CAMTA2: variants seen among roughly 807,000 people sequenced by gnomAD.
The protein encoded by CAMTA2 is calmodulin-binding transcription activator 2.
CAMTA2 carries 56 observed loss-of-function variants against 135.7 expected under a neutral mutation model. The observed-to-expected ratio is 0.41, with a 90% CI of 0.33 to 0.52. CAMTA2 has a LOEUF of 0.52. CAMTA2 is among the 20% of genes least tolerant of loss of function. The pLI, the probability that CAMTA2 is intolerant of heterozygous loss-of-function variation, is 0.16. For missense variants in CAMTA2, 1,358 were observed against 1,553.4 expected (o/e 0.87, Z 2.11); for synonymous variants, 591 against 604.6 (o/e 0.98, Z 0.33).
chr17:4,970,413 G>GC lies in CAMTA2; in HGVS notation c.2931dup (p.Leu978AlafsTer3). The stretch of plus-strand genomic sequence containing the variant: ...GCCAGCCAGGACATGGTCTCACTGA[G>GC]CCCCACAGCCCCTGTCCGCTCCCGC... On this transcript the variant is annotated frameshift_variant, in exon 17 of 23. Transcript: ENST00000348066. LOFTEE classifies it high-confidence loss of function. 6.2e-7 allele frequency: 1 copy of GC among 1,614,156 alleles called. No homozygotes were observed. Among genetic ancestry groups the GC allele is most frequent in the Non-Finnish European group, 8.5e-7 (1 of 1,180,020 alleles).
At chr17:4,968,874 A>G in intron 22 of CAMTA2, 33 bp downstream of exon 22, 1 of 1,613,216 alleles carries the variant, frequency 6.2e-7, no homozygotes, top group South Asian at 1.1e-5. Context: ...ACGGGTGGCA[A>G]CGCAAAAGCC....
At position 4,969,795 on chromosome 17, in the gene CAMTA2, C is replaced by T. The variant is rs747786313; in HGVS notation, c.3190-94G>A. 1.9e-6 allele frequency: 3 copies of T among 1,591,546 alleles called. No homozygotes were observed. Among genetic ancestry groups the T allele is most frequent in the Admixed American group, 1.7e-5 (1 of 59,874 alleles). Reference sequence around the variant, plus strand: ...TCCTGGGGTTCCCCTGACCCTTTACCCCATCCAAGGCCTGTCTGCACGACT... The same window carrying T: ...TCCTGGGGTTCCCCTGACCCTTTACTCCATCCAAGGCCTGTCTGCACGACT... On this transcript the variant is annotated intron_variant, in intron 18 of 22. Coordinates refer to ENST00000348066, the MANE Select transcript of CAMTA2 (RefSeq NM_015099.4). The surrounding 1 kb of genome is among the most constrained non-coding windows in gnomAD (Gnocchi z 5.6).
chr17:4,977,019 G>T, intron 11 of CAMTA2, 39 bp downstream of exon 11: 2 of 1,610,116 alleles, frequency 1.2e-6, no homozygotes, highest in Non-Finnish European at 1.7e-6. Flanking sequence ...CTTAAAGGCT[G>T]TGGGCTGGAT....
At position 4,987,275 on chromosome 17, in the gene CAMTA2, A is replaced by G. The variant is rs1973411641; in HGVS notation, c.-65+318T>C. Reference sequence around the variant, plus strand: ...AGTGGTGGTCCCAGGAGAACCTCCGAGGTGGGAGGGTCCCGCCCGCATAGA... The same window carrying G: ...AGTGGTGGTCCCAGGAGAACCTCCGGGGTGGGAGGGTCCCGCCCGCATAGA... On this transcript the variant is annotated intron_variant, in intron 1 of 22. Transcript: ENST00000348066. 54 of 1,341,796 alleles carry G rather than the reference A, an allele frequency of 4.0e-5. 2 individuals carry two copies. The South Asian group carries it at 1.1e-3, about 26-fold the overall frequency. The allele number at this position is 1,341,796 out of a possible 1,614,324, so 83.1% of individuals were successfully genotyped here. A position where few individuals can be genotyped will look rare whatever the true frequency, so the allele number is the denominator to read the frequency against.
chr17:4,979,327 T>A, intron 9 of CAMTA2: 1 of 164,414 alleles, frequency 6.1e-6, no homozygotes, highest in Non-Finnish European at 1.3e-5. Context: ...CTGGCCAACA[T>A]GGTGAAACCC....
intron 10 of CAMTA2, among the ~76,000 whole-genome samples, chr17:4,977,536 T>G (rs1972685583): frequency 6.6e-6 from 1 of 152,254 alleles, no homozygotes; most frequent in Non-Finnish European, 1.5e-5. Context: ...CTGGAAGTTA[T>G]GACCCTGTTA....
At position 4,968,314 on chromosome 17, in the gene CAMTA2, C is replaced by G. The variant is rs1001161052; in HGVS notation, c.*442G>C. The G allele has an allele frequency of 7.4e-6, 2 of 270,874 alleles. No individual in the cohort carries two copies. Among genetic ancestry groups the G allele is most frequent in the South Asian group, 9.5e-5 (2 of 21,092 alleles). 16.8% of individuals were successfully genotyped at this position (270,874 alleles called of 1,614,324 possible). On this transcript the variant is annotated 3_prime_UTR_variant, in exon 23 of 23. Transcript: ENST00000348066. ...CAGAGAGGGAGGAAACAGACGCAAA[C>G]ATGCGGAGTCGGGTGGGGACACGGT...
At chr17:4,972,613 CTGTTCTCGGTCCCCGTCT>C (rs1192881899) in intron 15 of CAMTA2, 77 bp from the exon 16 acceptor site, 7 of 1,505,606 alleles carry the variant, frequency 4.6e-6, no homozygotes, top group Non-Finnish European at 5.5e-6. Flanking sequence ...CTTCCCCATC[CTGTTCTCGGTCCCCGTCT>C]GTTCTTGCTT....
intron 9 of CAMTA2, chr17:4,979,429 G>C (rs1972820252): frequency 3.6e-6 from 1 of 281,238 alleles, no homozygotes; most frequent in Admixed American, 5.3e-5. Context: ...AGAATCGTTT[G>C]AACCCGGGAG....
intron 2 of CAMTA2, 74 bp from the exon 3 acceptor site, chr17:4,986,057 T>C (rs1973259945): frequency 4.9e-6 from 6 of 1,223,586 alleles, no homozygotes; most frequent in Admixed American, 1.7e-5. Flanking sequence ...GGGAAAGGGC[T>C]GAAGGCAATA....
chr17:4,980,338 CAGG>C lies in CAMTA2; in HGVS notation c.981_983del (p.Leu328del), dbSNP rs763994597. 3.1e-6 allele frequency: 5 copies of C among 1,613,934 alleles called. No individual in the cohort carries two copies. Among genetic ancestry groups the C allele is most frequent in the African/African-American group, 2.7e-5 (2 of 74,926 alleles). On this transcript the variant is annotated inframe_deletion, in exon 9 of 23. Transcript: ENST00000348066. The surrounding 1 kb of genome is among the most constrained non-coding windows in gnomAD (Gnocchi z 5.3). ...CTCCAGCCCGCTGCTCCAGTCCTGT[CAGG>C]AGGAGGATAGCAGTGCCTCCTCTTG...
chr17:4,982,175 G>T lies in CAMTA2; in HGVS notation c.340-15C>A. ...CCATAGAGACACTGCCAGGAGACAG[G>T]CTGGGGTGGGGGGAGGGCTAGTCTG... On this transcript the variant is annotated splice_polypyrimidine_tract_variant and intron_variant, in intron 5 of 22. Coordinates refer to ENST00000348066, the MANE Select transcript of CAMTA2 (RefSeq NM_015099.4). 1 of 770,436 alleles carries T rather than the reference G, an allele frequency of 1.3e-6. No individual in the cohort carries two copies. The highest frequency in any genetic ancestry group is 2.2e-6 in the Non-Finnish European group (1 of 460,442). 47.7% of individuals were successfully genotyped at this position (770,436 alleles called of 1,614,324 possible). A position where few individuals can be genotyped will look rare whatever the true frequency, so the allele number is the denominator to read the frequency against.
Position 4,970,456 on chromosome 17 carries a change from G to C in CAMTA2, c.2889C>G (p.Pro963=). The change falls in exon 17 of 23, where the codon CCC becomes CCG. Residue 963 remains proline, a synonymous_variant. Coordinates refer to ENST00000348066, the MANE Select transcript of CAMTA2 (RefSeq NM_015099.4). ...GCTCCCGCATTGAGGCTCCAGCCTCGGGCAGCCCCACGAAGTCCTCTCGTT... is the reference window on the plus strand; with the variant it reads ...GCTCCCGCATTGAGGCTCCAGCCTCCGGCAGCCCCACGAAGTCCTCTCGTT... ...RIKREDFVGL[P]EAGASMRERT... is the part of the protein sequence containing the mutation. The C allele has an allele frequency of 1.9e-6, 3 of 1,614,152 alleles. No homozygotes were observed. The highest frequency in any genetic ancestry group is 1.7e-6 in the Non-Finnish European group (2 of 1,180,020).
rs150571966 is a variant in CAMTA2, at chr17:4,972,347, T to C, written c.2693A>G (p.Tyr898Cys). 37 of 1,613,616 alleles carry C rather than the reference T, an allele frequency of 2.3e-5. No homozygotes were observed. In the African/African-American group the frequency reaches 2.8e-4, roughly 12 times the overall value. ...GGGCCCCTTGGAGTTGGTAGCCTCA[T>C]AGTCCATGAGGAGTAGGGGGGCTTC... is the stretch of plus-strand genomic sequence containing the variant. ...VPEAPLLLMD[Y>C]EATNSKGPLS... Residue 898 changes from tyrosine (Y) to cysteine (C), a missense_variant, in exon 16 of 23, where the codon TAT becomes TGT. Physicochemically the swap from Tyr to Cys is radical, Grantham distance 194 (BLOSUM62 -2). Coordinates refer to ENST00000348066, the MANE Select transcript of CAMTA2 (RefSeq NM_015099.4).
At chr17:4,979,548 G>A (rs1484987032) in intron 9 of CAMTA2, 136 bp downstream of exon 9, 4 of 565,994 alleles carry the variant, frequency 7.1e-6, no homozygotes, top group African/African-American at 3.8e-5. Context: ...TTAGGTAGAG[G>A]ACTAAGAAGC....
intron 13 of CAMTA2, 50 bp from the exon 14 acceptor site, chr17:4,973,303 G>T: frequency 6.8e-7 from 1 of 1,468,192 alleles, no homozygotes; most frequent in Non-Finnish European, 9.5e-7. Flanking sequence ...GAAAAAGTGG[G>T]CAAAGCAGGA....
rs1208388440 is a variant in CAMTA2, at chr17:4,982,893, C to T, written c.204-1G>A. 1 of 1,614,162 alleles carries T rather than the reference C, an allele frequency of 6.2e-7. No individual in the cohort carries two copies. Among genetic ancestry groups the T allele is most frequent in the Admixed American group, 1.7e-5 (1 of 60,020 alleles). ...GAGGATGATGGAGCCATTCTGAGGC[C>T]TGGGAAGGGAAGGGTTGCCCTGGAG... is the stretch of plus-strand genomic sequence containing the variant. On this transcript the variant is annotated splice_acceptor_variant, in intron 4 of 22. Transcript: ENST00000348066. LOFTEE classifies it high-confidence loss of function.
Position 4,986,195 on chromosome 17 carries a change from C to T in CAMTA2, c.28G>A (p.Ala10Thr). Residue 10 changes from alanine to threonine, a missense_variant, in exon 2 of 23, where the codon GCT becomes ACT. Around this residue, in one of 4 missense-constraint regions of CAMTA2, gnomAD observed 105 missense variants for 190.9 expected, o/e 0.55. Coordinates refer to ENST00000348066, the MANE Select transcript of CAMTA2 (RefSeq NM_015099.4). MNTKDTTEV[A>T]ENSHHLKIFL... is the part of the protein sequence containing the mutation. The stretch of plus-strand genomic sequence containing the variant: ...GGAACCTGGTTTGTGAACTTACCAG[C>T]AACCTCGGTGGTGTCCTTGGTATTC... The T allele has an allele frequency of 6.3e-7, 1 of 1,598,716 alleles. No individual in the cohort carries two copies. The highest frequency in any genetic ancestry group is 8.6e-7 in the Non-Finnish European group (1 of 1,165,902).
intron 15 of CAMTA2, 94 bp downstream of exon 15, chr17:4,972,675 C>G: frequency 7.0e-7 from 1 of 1,436,696 alleles, no homozygotes; most frequent in African/African-American, 1.4e-5. Context: ...TGTGGTTTGT[C>G]TCCTCTCTTA....
Sources: gnomAD v4.1 joint callset for allele counts (sites outside exome capture counted in the v4.1 genomes callset) on GRCh38, gnomAD v4.1.1 for gene constraint, gnomAD v4.1.1 regional missense constraint, Gnocchi (gnomAD v3.1) non-coding constraint, MANE v1.5 for transcripts, NCBI Gene and HGNC (gene_info 2026-07-23, HGNC 2026-07-21) for gene names.